The following GRID1 variants were observed in gnomAD, a reference collection of about 807,000 sequenced individuals.
The protein encoded by GRID1 is glutamate ionotropic receptor delta type subunit 1.
GRID1 carries 28 observed loss-of-function variants against 98.0 expected under a neutral mutation model. The ratio of observed to expected loss-of-function variants is 0.29; its 90% confidence interval spans 0.21 to 0.39. The LOEUF (loss-of-function observed/expected upper bound fraction) is 0.39, where lower values mean the gene tolerates loss of function less well. GRID1 is among the 10% of genes least tolerant of loss of function. GRID1 has a pLI of 1.00. For synonymous variants in GRID1, 553 were observed against 538.5 expected, an observed-to-expected ratio of 1.03 and a Z score of -0.37; for missense variants, 1,111 against 1,340.5, an observed-to-expected ratio of 0.83 and a Z score of 2.67.
chr10:85,911,902 A>G (rs925570939), intron 5 of GRID1, among the ~76,000 whole-genome samples: 1 of 152,228 alleles, frequency 6.6e-6, no homozygotes, highest in Admixed American at 6.5e-5. Flanking sequence ...CACCCAGCTC[A>G]TCCAGAGTCA....
In GRID1 at chr10:85,683,538, A is replaced by G. The variant is rs77694344; in HGVS notation, c.1998-36141T>C. Among the ~76,000 whole-genome samples the G allele has an allele frequency of 6.6e-5, 10 of 152,364 alleles. No homozygotes were observed. In the East Asian group the frequency reaches 1.9e-3, roughly 29 times the overall value. On this transcript the variant is annotated intron_variant, in intron 12 of 15. Coordinates refer to ENST00000327946, the MANE Select transcript of GRID1 (RefSeq NM_017551.3). Reference sequence around the variant, plus strand: ...ACAAAGGTCATGAAGTCAACTTTGAAGCAAACTGTTTTTCTCCTTTCCTCA... The same window carrying G: ...ACAAAGGTCATGAAGTCAACTTTGAGGCAAACTGTTTTTCTCCTTTCCTCA...
Position 86,273,012 on chromosome 10 carries a change from T to C in GRID1, c.236-66364A>G, listed in dbSNP as rs969845121. Among the ~76,000 whole-genome samples, 16 of 152,278 alleles carry C rather than the reference T, an allele frequency of 1.1e-4. No homozygotes were observed. The South Asian group carries it at 3.1e-3, about 30-fold the overall frequency. ...GTGACATGCTGGTGTGCTACACCCA[T>C]TAACTCAACATTTAGCATTAGGTAT... On this transcript the variant is annotated intron_variant, in intron 2 of 15. Transcript: ENST00000327946.
At chr10:86,142,546 G>A (rs188840594) in intron 3 of GRID1, among the ~76,000 whole-genome samples, 47 of 152,318 alleles carry the variant, frequency 3.1e-4, no homozygotes, top group Admixed American at 1.4e-3. Flanking sequence ...ACACAGATCC[G>A]AGCACAGCTG....
chr10:85,856,468 C>T (rs184920464), intron 6 of GRID1, among the ~76,000 whole-genome samples: 2 of 152,238 alleles, frequency 1.3e-5, no homozygotes, highest in East Asian at 3.9e-4. Context: ...TTGAGATGTG[C>T]ACACAGGTAA....
chr10:86,101,353 C>T (rs1212319579), intron 4 of GRID1, among the ~76,000 whole-genome samples: 1 of 152,150 alleles, frequency 6.6e-6, no homozygotes, highest in Non-Finnish European at 1.5e-5. Context: ...TAAACTTAGA[C>T]AGTAATGTAA....
At chr10:85,838,131 G>C (rs1842927510) in intron 8 of GRID1, among the ~76,000 whole-genome samples, 2 of 152,020 alleles carry the variant, frequency 1.3e-5, no homozygotes, top group Admixed American at 1.3e-4. Context: ...AAAAAGAAAT[G>C]AACAAAACCA....
chr10:85,841,063 G>T (rs192716378), intron 8 of GRID1, among the ~76,000 whole-genome samples: 1 of 152,256 alleles, frequency 6.6e-6, no homozygotes, highest in East Asian at 1.9e-4. Context: ...AAAGCTGGAG[G>T]TATCAGGGTA....
At chr10:85,936,525 A>AC (rs1355308861) in intron 4 of GRID1, among the ~76,000 whole-genome samples, 2 of 151,902 alleles carry the variant, frequency 1.3e-5, no homozygotes, top group Non-Finnish European at 2.9e-5. Context: ...AACTAAAAAA[A>AC]AAAAAGAAAA....
chr10:86,275,745 A>G (rs1478944286), intron 2 of GRID1, among the ~76,000 whole-genome samples: 1 of 152,166 alleles, frequency 6.6e-6, no homozygotes, highest in African/African-American at 2.4e-5. Context: ...AAGAAAAGAG[A>G]AAGATGAAAA....
At chr10:86,263,752 T>A (rs1847059231) in intron 2 of GRID1, among the ~76,000 whole-genome samples, 1 of 152,260 alleles carries the variant, frequency 6.6e-6, no homozygotes, top group African/African-American at 2.4e-5. Context: ...AGAGTTGGTT[T>A]TAAAATATTA....
At chr10:85,899,674 G>A (rs1342677128) in intron 5 of GRID1, among the ~76,000 whole-genome samples, 1 of 152,182 alleles carries the variant, frequency 6.6e-6, no homozygotes, top group Non-Finnish European at 1.5e-5. Context: ...CCTTGCTTCT[G>A]AGGGCAACCC....
intron 2 of GRID1, among the ~76,000 whole-genome samples, chr10:86,308,263 T>G (rs1847786163): frequency 6.6e-6 from 1 of 152,184 alleles, no homozygotes; most frequent in African/African-American, 2.4e-5. Flanking sequence ...CACCTCTGAG[T>G]GGCCAGCTGG....
intron 4 of GRID1, among the ~76,000 whole-genome samples, chr10:86,045,189 C>A (rs1413209111): frequency 1.3e-5 from 2 of 152,218 alleles, no homozygotes; most frequent in Non-Finnish European, 2.9e-5. Context: ...TCCAGTTTCA[C>A]ATGAGGAAAC....
At chr10:86,268,376 G>A (rs1847136453) in intron 2 of GRID1, among the ~76,000 whole-genome samples, 1 of 152,224 alleles carries the variant, frequency 6.6e-6, no homozygotes, top group Non-Finnish European at 1.5e-5. Flanking sequence ...CTGCTTGTCA[G>A]CCTGTTTCCT....
intron 4 of GRID1, among the ~76,000 whole-genome samples, chr10:86,003,441 T>A (rs1268674675): frequency 6.6e-6 from 1 of 152,258 alleles, no homozygotes; most frequent in South Asian, 2.1e-4. Flanking sequence ...CTGGCACTTG[T>A]GCCCCATTTA....
intron 4 of GRID1, among the ~76,000 whole-genome samples, chr10:86,029,709 T>C (rs1260470966): frequency 1.3e-5 from 2 of 151,720 alleles, no homozygotes. Context: ...AGTGGTGATC[T>C]TCTGAAGCTT....
intron 2 of GRID1, among the ~76,000 whole-genome samples, chr10:86,261,829 A>G (rs1211650673): frequency 6.6e-6 from 1 of 151,818 alleles, no homozygotes; most frequent in East Asian, 1.9e-4. Flanking sequence ...TCCCCAGTCA[A>G]CCCCTGGAGG....
At chr10:86,059,751 T>G (rs886323375) in intron 4 of GRID1, among the ~76,000 whole-genome samples, 1 of 152,216 alleles carries the variant, frequency 6.6e-6, no homozygotes, top group Non-Finnish European at 1.5e-5. Flanking sequence ...TATTTAATAA[T>G]TATTCCTGGG....
intron 12 of GRID1, among the ~76,000 whole-genome samples, chr10:85,655,692 G>C (rs1564690601): frequency 6.6e-6 from 1 of 152,082 alleles, no homozygotes. Context: ...CAGACAATGA[G>C]GCTGCTTCTT....
Sources: allele counts gnomAD v4.1 joint callset (sites outside exome capture counted in the v4.1 genomes callset), GRCh38; gene constraint gnomAD v4.1.1; transcripts MANE v1.5; gene names NCBI Gene and HGNC (gene_info 2026-07-23, HGNC 2026-07-21).